The following FAM227B variants were observed in gnomAD, a reference collection of about 807,000 sequenced individuals.
The protein encoded by FAM227B is family with sequence similarity 227 member B, also known as protein FAM227B.
FAM227B carries 88 observed loss-of-function variants against 73.8 expected under a neutral mutation model. The ratio of observed to expected loss-of-function variants is 1.19; its 90% CI spans 1.00 to 1.42. The LOEUF (loss-of-function observed/expected upper bound fraction) is 1.42, where lower values mean the gene tolerates loss of function less well. FAM227B is among the 40% of genes most tolerant of loss of function. The pLI, the probability that FAM227B is intolerant of heterozygous loss-of-function variation, is 0.00. For missense variants in FAM227B, 632 were observed against 590.9 expected (o/e 1.07, Z -0.72); for synonymous variants, 210 against 190.5 (o/e 1.10, Z -0.84).
chr15:49,520,208 T>G (rs1304449441), intron 10 of FAM227B, among the ~76,000 whole-genome samples: 3 of 152,202 alleles, frequency 2.0e-5, no homozygotes, highest in East Asian at 3.8e-4. Flanking sequence ...TGGACTTTAT[T>G]GTCCATATCA....
chr15:49,338,018 C>A (rs1054417986), intron 13 of FAM227B, among the ~76,000 whole-genome samples: 1 of 152,052 alleles, frequency 6.6e-6, no homozygotes, highest in African/African-American at 2.4e-5. Context: ...GTGTATATAC[C>A]CAGTAATGGG....
intron 11 of FAM227B, among the ~76,000 whole-genome samples, chr15:49,459,745 T>C (rs138139456): frequency 5.2e-4 from 79 of 152,308 alleles, no homozygotes; most frequent in Non-Finnish European, 1.0e-3. Flanking sequence ...TGACATAAGC[T>C]GTGCTTGAGA....
intron 11 of FAM227B, among the ~76,000 whole-genome samples, chr15:49,431,959 T>A (rs187610754): frequency 6.6e-6 from 1 of 151,804 alleles, no homozygotes; most frequent in Admixed American, 6.6e-5. Flanking sequence ...GGGGTTGAAA[T>A]GATAATAAAT....
intron 2 of FAM227B, among the ~76,000 whole-genome samples, chr15:49,612,669 C>T (rs1189773982): frequency 6.6e-6 from 1 of 151,982 alleles, no homozygotes; most frequent in Non-Finnish European, 1.5e-5. Flanking sequence ...AGTCTAATAT[C>T]CTAATATCCA....
At chr15:49,519,724 T>A (rs575349997) in intron 10 of FAM227B, among the ~76,000 whole-genome samples, 119 of 152,168 alleles carry the variant, frequency 7.8e-4, no homozygotes, top group Non-Finnish European at 1.4e-3. Context: ...TTCCTAGGCC[T>A]CAGCTTGTGA....
chr15:49,462,553 T>C (rs946903325), intron 11 of FAM227B, among the ~76,000 whole-genome samples: 12 of 152,216 alleles, frequency 7.9e-5, no homozygotes, highest in African/African-American at 2.2e-4. Flanking sequence ...CTTTCATTCA[T>C]TGTGCATGAT....
intron 11 of FAM227B, among the ~76,000 whole-genome samples, chr15:49,447,462 T>C (rs2052329630): frequency 6.6e-6 from 1 of 151,682 alleles, no homozygotes. Flanking sequence ...GAGTCAAATA[T>C]GGCAGCTAGT....
At chr15:49,493,604 A>C (rs1316513950) in intron 11 of FAM227B, among the ~76,000 whole-genome samples, 1 of 151,828 alleles carries the variant, frequency 6.6e-6, no homozygotes, top group Non-Finnish European at 1.5e-5. Flanking sequence ...ATAAATTCCC[A>C]CTGCATGTCA....
chr15:49,442,415 G>A (rs780994876), intron 11 of FAM227B, among the ~76,000 whole-genome samples: 2 of 151,628 alleles, frequency 1.3e-5, no homozygotes, highest in Non-Finnish European at 1.5e-5. Context: ...TAAAATGTGA[G>A]AACTGTAAAA....
intron 13 of FAM227B, among the ~76,000 whole-genome samples, chr15:49,357,299 G>A (rs1174606446): frequency 1.3e-5 from 2 of 150,598 alleles, no homozygotes; most frequent in South Asian, 2.1e-4. Flanking sequence ...TCCAGGAGCT[G>A]GTTTTTTGAA....
At chr15:49,370,537 T>A (rs2045738941) in intron 12 of FAM227B, among the ~76,000 whole-genome samples, 1 of 152,186 alleles carries the variant, frequency 6.6e-6, no homozygotes, top group Non-Finnish European at 1.5e-5. Flanking sequence ...CAGAATAAAG[T>A]AGGAAGATAT....
chr15:49,327,994 G>A lies in FAM227B; in HGVS notation c.*574C>T, dbSNP rs767278183. The A allele has an allele frequency of 6.2e-7, 1 of 1,613,808 alleles. No homozygotes were observed. Among genetic ancestry groups the A allele is most frequent in the African/African-American group, 1.3e-5 (1 of 75,002 alleles). On this transcript the variant is annotated 3_prime_UTR_variant, in exon 16 of 16. Coordinates refer to ENST00000299338, the MANE Select transcript of FAM227B (RefSeq NM_152647.3). ...GGTCACGACTTACTGGAGCAGGATG[G>A]GGAGGCTGCACAGTATCAATGGTAC...
At chr15:49,577,723 G>T in intron 5 of FAM227B, 59 bp from the exon 6 acceptor site, 1 of 1,114,898 alleles carries the variant, frequency 9.0e-7, no homozygotes, top group Non-Finnish European at 1.3e-6. Flanking sequence ...TTTACATTTA[G>T]TAAATTTGTT....
chr15:49,397,529 T>G (rs977801474), intron 11 of FAM227B, among the ~76,000 whole-genome samples: 2 of 151,640 alleles, frequency 1.3e-5, no homozygotes, highest in African/African-American at 4.8e-5. Context: ...GAAGAGCAAC[T>G]CCAAGACACA....
chr15:49,541,754 A>C lies in FAM227B; in HGVS notation c.800T>G (p.Phe267Cys). ...ATTAAAGAGGTAACTCGATTCTGGA[A>C]ATGCTTCATGGAACGTTGCATATAT... ...QAIYATFHEA[F>C]PESSYLFNDE... Residue 267 changes from phenylalanine to cysteine, a missense_variant, in exon 10 of 16, where the codon TTT (phenylalanine) becomes TGT (cysteine). Coordinates refer to ENST00000299338, the MANE Select transcript of FAM227B (RefSeq NM_152647.3). 6.5e-7 allele frequency: 1 copy of C among 1,543,178 alleles called. No homozygotes were observed.
chr15:49,432,020 C>T (rs529842255), intron 11 of FAM227B, among the ~76,000 whole-genome samples: 20 of 151,428 alleles, frequency 1.3e-4, no homozygotes, highest in Non-Finnish European at 2.2e-4. Context: ...GATTTTGTGC[C>T]GAAAACTGTA....
chr15:49,589,771 C>T lies in FAM227B; in HGVS notation c.337+5G>A. On this transcript the variant is annotated splice_donor_5th_base_variant and intron_variant, in intron 4 of 15. Coordinates refer to ENST00000299338, the MANE Select transcript of FAM227B (RefSeq NM_152647.3). ...CTATAAAAGATAAAAATAAATAAGG[C>T]TCACTTGTCTCAGAAATCATGCTTT... 2 of 1,511,390 alleles carry T rather than the reference C, an allele frequency of 1.3e-6. No individual in the cohort carries two copies. Among genetic ancestry groups the T allele is most frequent in the African/African-American group, 1.4e-5 (1 of 72,468 alleles). 93.6% of individuals were successfully genotyped at this position (1,511,390 alleles called of 1,614,324 possible). A position where few individuals can be genotyped will look rare whatever the true frequency, so the allele number is the denominator to read the frequency against.
intron 11 of FAM227B, among the ~76,000 whole-genome samples, chr15:49,459,697 G>A (rs1271151892): frequency 1.3e-5 from 2 of 152,048 alleles, no homozygotes; most frequent in East Asian, 3.9e-4. Flanking sequence ...AAAAATGACT[G>A]TACACATTTT....
At chr15:49,524,671 ACT>A (rs1567483014) in intron 10 of FAM227B, among the ~76,000 whole-genome samples, 1 of 152,094 alleles carries the variant, frequency 6.6e-6, no homozygotes, top group Non-Finnish European at 1.5e-5. Context: ...AGCCACAGAC[ACT>A]CAACGCCAGC....
Sources: allele counts gnomAD v4.1 joint callset (sites outside exome capture counted in the v4.1 genomes callset), GRCh38; gene constraint gnomAD v4.1.1; transcripts MANE v1.5; gene names NCBI Gene and HGNC (gene_info 2026-07-23, HGNC 2026-07-21).